Variants in KNL1 observed in about 807,000 individuals in gnomAD.
The protein encoded by KNL1 is kinetochore scaffold 1.
Under a neutral mutation model 201.3 loss-of-function variants are expected in KNL1, and 66 were observed. The observed-to-expected ratio is 0.33, with a 90% confidence interval of 0.27 to 0.40. The LOEUF is 0.40. KNL1 is among the 10% of genes least tolerant of loss of function. The pLI is 1.00. For missense variants in KNL1, 2,815 were observed against 2,690.5 expected (o/e 1.05, Z -1.02); for synonymous variants, 895 against 899.2 (o/e 1.00, Z 0.08).
intron 24 of KNL1, 62 bp from the exon 25 acceptor site, chr15:40,659,277 A>C (rs1893832507): frequency 6.6e-7 from 1 of 1,507,376 alleles, no homozygotes; most frequent in African/African-American, 1.4e-5. Flanking sequence ...AAAAAAAAAA[A>C]AGAAATTGTG....
rs1450800331 is a variant in KNL1, at chr15:40,663,414, C to T, written c.*1226C>T. On this transcript the variant is annotated 3_prime_UTR_variant, in exon 26 of 26. Coordinates refer to ENST00000399668, the MANE Select transcript of KNL1 (RefSeq NM_144508.5). ...AAAGTTAATTCATTTTTGTCTAGTACATATATGTAAATATATTAATGTTGT... is the reference window on the plus strand; with the variant it reads ...AAAGTTAATTCATTTTTGTCTAGTATATATATGTAAATATATTAATGTTGT... 1 of 181,766 alleles carries T rather than the reference C, an allele frequency of 5.5e-6. No individual in the cohort carries two copies. The highest frequency in any genetic ancestry group is 1.2e-5 in the Non-Finnish European group (1 of 85,248). The allele number at this position is 181,766 out of a possible 1,614,324, so 11.3% of individuals were successfully genotyped here.
chr15:40,661,640 C>T (rs1893911841), intron 25 of KNL1, among the ~76,000 whole-genome samples: 2 of 152,220 alleles, frequency 1.3e-5, no homozygotes, highest in African/African-American at 4.8e-5. Flanking sequence ...CCATTTCAAA[C>T]TGGATATCTG....
At chr15:40,613,847 G>T (rs1003885640) in intron 7 of KNL1, among the ~76,000 whole-genome samples, 1 of 151,850 alleles carries the variant, frequency 6.6e-6, no homozygotes, top group Admixed American at 6.6e-5. Context: ...ACCCAGGCTG[G>T]AGTGCAGTGG....
chr15:40,653,337 C>T (rs949066554), intron 21 of KNL1, among the ~76,000 whole-genome samples: 3 of 152,042 alleles, frequency 2.0e-5, no homozygotes, highest in South Asian at 2.1e-4. Flanking sequence ...TACAGGCATG[C>T]GCCACCACAC....
intron 8 of KNL1, chr15:40,615,640 T>G: frequency 5.9e-6 from 1 of 168,324 alleles, no homozygotes; most frequent in Non-Finnish European, 1.3e-5. Context: ...GGTGGTGCGC[T>G]CCTGTAGTCC....
intron 2 of KNL1, among the ~76,000 whole-genome samples, chr15:40,603,837 C>T (rs181809795): frequency 9.8e-5 from 15 of 152,298 alleles, no homozygotes; most frequent in Admixed American, 1.3e-4. Flanking sequence ...ATATTTATAC[C>T]CATTTTTAAT....
Position 40,621,990 on chromosome 15 carries a change from GAA to G in KNL1, c.1728_1729del (p.Thr579LysfsTer2). ...LLSGENMDLT[E>X]SHTSNLGSQV... ...ATCAGGTGAAAATATGGATTTGACT[GAA>G]AGTCACACAAGTAACTTAGGAAGTC... On this transcript the variant is annotated frameshift_variant, in exon 10 of 26. Transcript: ENST00000399668. LOFTEE classifies it high-confidence loss of function. 1 of 1,614,072 alleles carries G rather than the reference GAA, an allele frequency of 6.2e-7. No homozygotes were observed. The highest frequency in any genetic ancestry group is 8.5e-7 in the Non-Finnish European group (1 of 1,179,960).
chr15:40,606,464 G>C lies in KNL1; in HGVS notation c.135+12G>C. 1.4e-6 allele frequency: 2 copies of C among 1,422,680 alleles called. No individual in the cohort carries two copies. The highest frequency in any genetic ancestry group is 2.0e-6 in the Non-Finnish European group (2 of 1,007,538). 88.1% of individuals were successfully genotyped at this position (1,422,680 alleles called of 1,614,324 possible). ...ATGAAAGAGTTCAGGTAAGTCTTTTGTGCAAATACTTTATAGATGACTATT... is the reference window on the plus strand; with the variant it reads ...ATGAAAGAGTTCAGGTAAGTCTTTTCTGCAAATACTTTATAGATGACTATT... On this transcript the variant is annotated intron_variant, in intron 4 of 25. Coordinates refer to ENST00000399668, the MANE Select transcript of KNL1 (RefSeq NM_144508.5).
chr15:40,663,985 G>A lies in KNL1; in HGVS notation c.*1797G>A, dbSNP rs1189506343. The A allele has an allele frequency of 1.6e-5, 3 of 186,922 alleles. No homozygotes were observed. The highest frequency in any genetic ancestry group is 3.4e-5 in the Non-Finnish European group (3 of 88,602). 11.6% of individuals were successfully genotyped at this position (186,922 alleles called of 1,614,324 possible). A position where few individuals can be genotyped will look rare whatever the true frequency, so the allele number is the denominator to read the frequency against. On this transcript the variant is annotated 3_prime_UTR_variant, in exon 26 of 26. Coordinates refer to ENST00000399668, the MANE Select transcript of KNL1 (RefSeq NM_144508.5). ...TTGCCATAAAAATCAAGATATAGAT[G>A]TTCTGTTCCGTAAACTCCTTGAAAA...
chr15:40,645,162 G>A, intron 15 of KNL1, 75 bp downstream of exon 15: 2 of 990,756 alleles, frequency 2.0e-6, no homozygotes, highest in Admixed American at 1.9e-5. Context: ...ATGAGTAACT[G>A]TTACTTGGTC....
At chr15:40,655,847 C>T (rs1450539783) in intron 22 of KNL1, among the ~76,000 whole-genome samples, 5 of 148,762 alleles carry the variant, frequency 3.4e-5, no homozygotes, top group African/African-American at 1.2e-4. Context: ...ACCCGGGAGG[C>T]GGAGCTTGCA....
Position 40,620,751 on chromosome 15 carries a change from A to G in KNL1, c.487A>G (p.Lys163Glu). 6.2e-7 allele frequency: 1 copy of G among 1,613,060 alleles called. No homozygotes were observed. Among genetic ancestry groups the G allele is most frequent in the Non-Finnish European group, 8.5e-7 (1 of 1,179,350 alleles). The stretch of plus-strand genomic sequence containing the variant: ...ATCAAGTCACACTGTAATGATTACC[A>G]AAGGCCTTTTAGATAATCCCATAAG... ...LTSSHTVMITKGLLDNPISEK... is the reference protein window; with the variant it reads ...LTSSHTVMITEGLLDNPISEK... The change falls in exon 10 of 26, where the codon AAA becomes GAA. Residue 163 changes from lysine to glutamate, a missense_variant. Physicochemically the swap from Lys to Glu is moderately conservative, Grantham distance 56. Around this residue, in one of 3 missense-constraint regions of KNL1, gnomAD observed 2,464 missense variants for 2,291.7 expected, o/e 1.08. Transcript: ENST00000399668.
chr15:40,643,875 A>G (rs1435963161), intron 14 of KNL1, among the ~76,000 whole-genome samples: 2 of 152,286 alleles, frequency 1.3e-5, no homozygotes, highest in East Asian at 3.9e-4. Flanking sequence ...TATGTAGAAA[A>G]AAACTAGGAA....
At chr15:40,641,779 A>T (rs146669680) in intron 14 of KNL1, among the ~76,000 whole-genome samples, 17 of 152,360 alleles carry the variant, frequency 1.1e-4, no homozygotes, top group African/African-American at 3.6e-4. Context: ...CAATCTATAT[A>T]TAGTGCCTGA....
At chr15:40,654,672 A>G (rs1375436143) in intron 21 of KNL1, among the ~76,000 whole-genome samples, 1 of 151,758 alleles carries the variant, frequency 6.6e-6, no homozygotes, top group Non-Finnish European at 1.5e-5. Context: ...GATCGAGACC[A>G]TCCTGGCTAA....
intron 8 of KNL1, among the ~76,000 whole-genome samples, chr15:40,617,154 G>C (rs1892369195): frequency 6.6e-6 from 1 of 152,120 alleles, no homozygotes; most frequent in Non-Finnish European, 1.5e-5. Context: ...TCACCATGTT[G>C]GCCAGGCTGG....
chr15:40,655,058 G>C (rs1424997837), intron 22 of KNL1, 81 bp downstream of exon 22: 2 of 1,084,604 alleles, frequency 1.8e-6, no homozygotes, highest in African/African-American at 1.6e-5. Context: ...AGCACTTTGG[G>C]AGGCTGAGGC....
chr15:40,621,240 A>G lies in KNL1; in HGVS notation c.976A>G (p.Thr326Ala), dbSNP rs1244171225. The change falls in exon 10 of 26, where the codon ACT becomes GCT. Residue 326 changes from threonine (T) to alanine (A), a missense_variant. Coordinates refer to ENST00000399668, the MANE Select transcript of KNL1 (RefSeq NM_144508.5). ...CTTTATGGACTTGACATTTAACCAC[A>G]CTTTGCAGATCTTACCTGCAACAGG... ...NDFMDLTFNH[T>A]LQILPATGNF... 1 of 1,613,312 alleles carries G rather than the reference A, an allele frequency of 6.2e-7. No individual in the cohort carries two copies. Among genetic ancestry groups the G allele is most frequent in the Non-Finnish European group, 8.5e-7 (1 of 1,179,716 alleles).
intron 14 of KNL1, 69 bp downstream of exon 14, chr15:40,641,096 G>A: frequency 9.4e-7 from 1 of 1,065,432 alleles, no homozygotes; most frequent in Non-Finnish European, 1.4e-6. Flanking sequence ...TGTGTGGTAA[G>A]GTTTTGATTA....
Sources: allele counts gnomAD v4.1 joint callset (sites outside exome capture counted in the v4.1 genomes callset), GRCh38; gene constraint gnomAD v4.1.1; regional missense constraint gnomAD v4.1.1; transcripts MANE v1.5; gene names NCBI Gene and HGNC (gene_info 2026-07-23, HGNC 2026-07-21).